TASL: variants seen among roughly 807,000 people sequenced by gnomAD.
The protein encoded by TASL is TLR adapter interacting with SLC15A4 on the lysosome.
Under a neutral mutation model 12.9 loss-of-function variants are expected in TASL, and 6 were observed. The ratio of observed to expected loss-of-function variants is 0.46; its 90% CI spans 0.25 to 0.92. TASL has a LOEUF of 0.92. Ranked by LOEUF, TASL falls within the 40% of genes least tolerant of loss-of-function variation. The probability of loss-of-function intolerance (pLI) is 0.17; values close to 1 mark genes in which losing one functional copy is unlikely to be tolerated. For synonymous variants in TASL, 85 were observed against 79.3 expected (o/e 1.07, Z -0.38); for missense variants, 165 against 212.8 (o/e 0.78, Z 1.40).
intron 2 of TASL, among the ~76,000 whole-genome samples, chrX:30,575,822 T>C (rs992943664): frequency 5.4e-5 from 6 of 111,886 alleles, no homozygotes; most frequent in African/African-American, 1.9e-4. Flanking sequence ...TAAACTTTGG[T>C]GCAGAAATAT....
intron 2 of TASL, among the ~76,000 whole-genome samples, chrX:30,568,641 A>G (rs1460349043): frequency 2.7e-5 from 3 of 110,329 alleles, no homozygotes; most frequent in African/African-American, 9.9e-5. Flanking sequence ...GTCTCCCACT[A>G]TTTATCTTAT....
rs150837477 is a variant in TASL, at chrX:30,562,336, G to C, written c.-1-1980C>G. Reference sequence around the variant, plus strand: ...CTCCAGAGAGATTTGGGAGCCAAGAGTAGACAGGTTTGCAAAATTATCTCA... The same window carrying C: ...CTCCAGAGAGATTTGGGAGCCAAGACTAGACAGGTTTGCAAAATTATCTCA... On this transcript the variant is annotated intron_variant, in intron 2 of 2. Coordinates refer to ENST00000378962, the MANE Select transcript of TASL (RefSeq NM_025159.3). Among the ~76,000 whole-genome samples the C allele has an allele frequency of 3.6e-4, 40 of 111,842 alleles. No homozygotes were observed. In the East Asian group the frequency reaches 0.011, roughly 30 times the overall value.
chrX:30,564,764 A>T (rs2147083873), intron 2 of TASL, among the ~76,000 whole-genome samples: 1 of 112,266 alleles, frequency 8.9e-6, no homozygotes, highest in African/African-American at 3.2e-5. Context: ...GGAGTAAGTA[A>T]AACAATAAAA....
At chrX:30,570,219 CATAA>C (rs1183614289) in intron 2 of TASL, among the ~76,000 whole-genome samples, 1 of 81,950 alleles carries the variant, frequency 1.2e-5, no homozygotes, top group Non-Finnish European at 2.3e-5. Context: ...TGTGTGTGTA[CATAA>C]ATACTCTCTC....
At chrX:30,564,986 C>T (rs1049075817) in intron 2 of TASL, among the ~76,000 whole-genome samples, 20 of 111,872 alleles carry the variant, frequency 1.8e-4, no homozygotes, top group Non-Finnish European at 3.8e-5. Context: ...TGCCTTCTAT[C>T]TCACACTTCT....
chrX:30,577,003 A>G (rs1930716370), intron 1 of TASL, 137 bp from the exon 2 acceptor site: 1 of 112,545 alleles, frequency 8.9e-6, no homozygotes, highest in Admixed American at 9.4e-5. Context: ...CTCCACTCGT[A>G]CATGCGCTAT....
chrX:30,574,379 C>T (rs760465834), intron 2 of TASL, among the ~76,000 whole-genome samples: 2 of 111,936 alleles, frequency 1.8e-5, no homozygotes, highest in Admixed American at 9.5e-5. Context: ...AGATAAATCA[C>T]TGGAATAGTC....
At chrX:30,572,715 C>G (rs974009111) in intron 2 of TASL, among the ~76,000 whole-genome samples, 1 of 112,228 alleles carries the variant, frequency 8.9e-6, no homozygotes, top group Non-Finnish European at 1.9e-5. Context: ...GTTTAAAACA[C>G]CTAAGTTAGG....
chrX:30,571,205 AAAGAAG>A (rs1930589950), intron 2 of TASL, among the ~76,000 whole-genome samples: 1 of 98,123 alleles, frequency 1.0e-5, no homozygotes, highest in Non-Finnish European at 2.1e-5. Flanking sequence ...AGAAGGAAAG[AAAGAAG>A]GAAAGAAGGA....
chrX:30,563,228 G>A (rs1930453633), intron 2 of TASL, among the ~76,000 whole-genome samples: 1 of 111,672 alleles, frequency 9.0e-6, no homozygotes, highest in Admixed American at 9.5e-5. Context: ...GGTTTTATAA[G>A]GGGTTTTCCC....
chrX:30,561,980 G>A (rs1034237798), intron 2 of TASL, among the ~76,000 whole-genome samples: 3 of 111,564 alleles, frequency 2.7e-5, no homozygotes, highest in African/African-American at 9.8e-5. Context: ...CAGAGAAAGA[G>A]TTTATCATAA....
At chrX:30,560,390 A>G (rs757719579) in intron 2 of TASL, 34 bp from the exon 3 acceptor site, 68 of 1,028,891 alleles carry the variant, frequency 6.6e-5, no homozygotes, top group Non-Finnish European at 8.0e-5. Context: ...GAATGGGGAA[A>G]AAGAATACTG....
In TASL at chrX:30,572,175, T is replaced by C. The variant is rs182097281; in HGVS notation, c.-2+4577A>G. Among the ~76,000 whole-genome samples, 7 of 112,031 alleles carry C rather than the reference T, an allele frequency of 6.2e-5. No individual in the cohort carries two copies. The Admixed American group carries it at 6.6e-4, about 11-fold the overall frequency. ...GATAGGGGAATGCCAAAATTAACCTTATGTGCAAATTCACAACTTAGAAAT... is the reference window on the plus strand; with the variant it reads ...GATAGGGGAATGCCAAAATTAACCTCATGTGCAAATTCACAACTTAGAAAT... On this transcript the variant is annotated intron_variant, in intron 2 of 2. Transcript: ENST00000378962.
At chrX:30,571,270 G>GAAAGAAAGAAAGAAAGAAAGAAAA (rs1569306093) in intron 2 of TASL, among the ~76,000 whole-genome samples, 1 of 48,502 alleles carries the variant, frequency 2.1e-5, no homozygotes, top group Non-Finnish European at 4.5e-5. Context: ...AAGAAAGAAA[G>GAAAGAAAGAAAGAAAGAAAGAAAA]AAAGAAAGAA....
At chrX:30,572,768 T>G (rs1441592980) in intron 2 of TASL, among the ~76,000 whole-genome samples, 1 of 112,091 alleles carries the variant, frequency 8.9e-6, no homozygotes, top group Non-Finnish European at 1.9e-5. Context: ...AGTTAATATT[T>G]TAGACTTTGC....
At chrX:30,565,419 A>C (rs1243748810) in intron 2 of TASL, among the ~76,000 whole-genome samples, 1 of 112,336 alleles carries the variant, frequency 8.9e-6, no homozygotes, top group African/African-American at 3.2e-5. Context: ...GACAACTGAA[A>C]AGGTCTGACC....
intron 2 of TASL, among the ~76,000 whole-genome samples, chrX:30,571,731 A>G (rs1930630686): frequency 9.0e-6 from 1 of 111,494 alleles, no homozygotes; most frequent in Non-Finnish European, 1.9e-5. Context: ...AGAGACATCA[A>G]GAAAAGTTAA....
intron 2 of TASL, among the ~76,000 whole-genome samples, chrX:30,569,464 C>T (rs1311053388): frequency 9.0e-6 from 1 of 111,531 alleles, no homozygotes. Context: ...GATAGACTGT[C>T]TGGGTGCAAG....
chrX:30,571,262 GAA>G (rs1282278728), intron 2 of TASL, among the ~76,000 whole-genome samples: 1,068 of 27,295 alleles, frequency 0.039, 96 homozygotes, highest in African/African-American at 0.059. Context: ...GAAAGAGAAA[GAA>G]AGAAAGAAAG....
Sources: allele counts gnomAD v4.1 joint callset (sites outside exome capture counted in the v4.1 genomes callset), GRCh38; gene constraint gnomAD v4.1.1; transcripts MANE v1.5; gene names NCBI Gene and HGNC (gene_info 2026-07-23, HGNC 2026-07-21).